The following RBFOX3 variants were observed in gnomAD, a reference collection of about 807,000 sequenced individuals.
RBFOX3 encodes RNA binding protein fox-1 homolog 3.
Under a neutral mutation model 48.7 loss-of-function variants are expected in RBFOX3, and 17 were observed. The ratio of observed to expected loss-of-function variants is 0.35; its 90% CI spans 0.24 to 0.52. The LOEUF is 0.52. Among genes scored for constraint, RBFOX3 ranks in the 20% least tolerant of loss-of-function variants. The pLI is 0.94. For missense variants in RBFOX3, 382 were observed against 497.5 expected, an observed-to-expected ratio of 0.77 and a Z score of 2.21; for synonymous variants, 212 against 209.5, an observed-to-expected ratio of 1.01 and a Z score of -0.10.
the RBFOX3 span, among the ~76,000 whole-genome samples, chr17:79,642,804 A>T: frequency 6.6e-6 from 1 of 152,258 alleles, no homozygotes; most frequent in Non-Finnish European, 1.5e-5. Flanking sequence ...AATTCTAGCC[A>T]TATCAATAAG....
chr17:79,336,314 G>A (rs1195658115), intron 2 of RBFOX3, among the ~76,000 whole-genome samples: 2 of 152,014 alleles, frequency 1.3e-5, no homozygotes, highest in Admixed American at 6.6e-5. Context: ...TTGAACTCAG[G>A]AGGCAGAGGT....
At chr17:79,563,908 A>G (rs2092353018) in intron 1 of RBFOX3, among the ~76,000 whole-genome samples, 1 of 152,266 alleles carries the variant, frequency 6.6e-6, no homozygotes, top group Non-Finnish European at 1.5e-5. Context: ...CATTCTTCAT[A>G]TAGACAAAAG....
At chr17:79,590,126 C>T (rs1007960704) in intron 1 of RBFOX3, among the ~76,000 whole-genome samples, 3 of 152,120 alleles carry the variant, frequency 2.0e-5, no homozygotes, top group South Asian at 2.1e-4. Flanking sequence ...GCCCCAACAC[C>T]GCCTCCCCAC....
chr17:79,261,329 G>A (rs757675240), intron 3 of RBFOX3, among the ~76,000 whole-genome samples: 26 of 152,214 alleles, frequency 1.7e-4, no homozygotes, highest in Admixed American at 6.5e-5. Flanking sequence ...GAAGGAGGGG[G>A]CACGAGCACC....
At chr17:79,095,437 TG>T in intron 13 of RBFOX3, 75 bp downstream of exon 13, 1 of 1,370,382 alleles carries the variant, frequency 7.3e-7, no homozygotes, top group Non-Finnish European at 1.0e-6. Flanking sequence ...CCTGCCTGTC[TG>T]GGCCCAGCTC....
intron 4 of RBFOX3, among the ~76,000 whole-genome samples, chr17:79,168,504 C>T (rs1250771725): frequency 6.6e-6 from 1 of 152,264 alleles, no homozygotes; most frequent in African/African-American, 2.4e-5. Flanking sequence ...GTTGGCCCCA[C>T]GGCCGCCCTA....
chr17:79,097,985 C>A (rs931385609), intron 9 of RBFOX3: 12 of 549,862 alleles, frequency 2.2e-5, no homozygotes, highest in African/African-American at 9.5e-5. Flanking sequence ...CAATTGTGAT[C>A]CTCCTCAGCC....
chr17:79,594,256 G>A (rs1042708407), intron 1 of RBFOX3, among the ~76,000 whole-genome samples: 1 of 152,106 alleles, frequency 6.6e-6, no homozygotes, highest in African/African-American at 2.4e-5. Flanking sequence ...GAGACTGAGG[G>A]GTGAGTCCAG....
intron 1 of RBFOX3, among the ~76,000 whole-genome samples, chr17:79,525,952 C>G (rs2086737512): frequency 1.3e-5 from 2 of 152,178 alleles, no homozygotes; most frequent in African/African-American, 4.8e-5. Context: ...GCTGTGGAGA[C>G]AAGCCACCGC....
intron 2 of RBFOX3, among the ~76,000 whole-genome samples, chr17:79,436,353 C>T (rs1295200860): frequency 6.6e-6 from 1 of 152,266 alleles, no homozygotes; most frequent in Non-Finnish European, 1.5e-5. Flanking sequence ...TTGGGTGCAG[C>T]TGGACAGAGG....
At chr17:79,442,672 C>T (rs1410120316) in intron 2 of RBFOX3, among the ~76,000 whole-genome samples, 2 of 152,084 alleles carry the variant, frequency 1.3e-5, no homozygotes, top group African/African-American at 4.8e-5. Flanking sequence ...ACCTCATTTC[C>T]CAGAGAGGAC....
chr17:79,283,142 G>A (rs952395018), intron 3 of RBFOX3, among the ~76,000 whole-genome samples: 1 of 152,204 alleles, frequency 6.6e-6, no homozygotes, highest in Non-Finnish European at 1.5e-5. Flanking sequence ...TTTGTCATAT[G>A]GAACAGGAGC....
intron 4 of RBFOX3, among the ~76,000 whole-genome samples, chr17:79,142,070 C>A (rs1348060066): frequency 2.0e-5 from 3 of 152,228 alleles, no homozygotes; most frequent in African/African-American, 4.8e-5. Flanking sequence ...TATCCTTTTA[C>A]GATGCTTTGA....
chr17:79,488,238 G>A (rs1289367578), intron 1 of RBFOX3, among the ~76,000 whole-genome samples: 1 of 152,192 alleles, frequency 6.6e-6, no homozygotes, highest in Non-Finnish European at 1.5e-5. Flanking sequence ...GACATCACCA[G>A]TCCCTTATAA....
In RBFOX3 at chr17:79,198,431, C is replaced by T. The variant is rs2056129698; in HGVS notation, c.-34+37335G>A. ...GTGGAACGCTGGCATCTGTGTCCCGCCTGCCAGCTCATGGAGAAAGTTCAC... is the reference window on the plus strand; with the variant it reads ...GTGGAACGCTGGCATCTGTGTCCCGTCTGCCAGCTCATGGAGAAAGTTCAC... On this transcript the variant is annotated intron_variant, in intron 4 of 14. Coordinates refer to ENST00000693108, the MANE Select transcript of RBFOX3 (RefSeq NM_001350451.2). This position sits in a 1 kb window ranked among gnomAD's most constrained non-coding sequence, Gnocchi z 8.2. 6.6e-6 allele frequency among the ~76,000 whole-genome samples: 1 copy of T among 152,190 alleles called. No individual in the cohort carries two copies. Among genetic ancestry groups the T allele is most frequent in the Admixed American group, 6.5e-5 (1 of 15,282 alleles).
At chr17:79,661,052 T>A in the RBFOX3 span, among the ~76,000 whole-genome samples, 1 of 152,262 alleles carries the variant, frequency 6.6e-6, no homozygotes, top group African/African-American at 2.4e-5. Context: ...CACAACATGT[T>A]CTTATAAGTA....
chr17:79,268,416 G>A (rs1445981477), intron 3 of RBFOX3, among the ~76,000 whole-genome samples: 2 of 152,106 alleles, frequency 1.3e-5, no homozygotes, highest in African/African-American at 2.4e-5. Flanking sequence ...GACCACAGAG[G>A]CCAAGCTCAG....
chr17:79,513,609 G>C (rs931566769), intron 1 of RBFOX3, among the ~76,000 whole-genome samples: 17 of 152,334 alleles, frequency 1.1e-4, no homozygotes, highest in African/African-American at 4.1e-4. Context: ...GAACCAGACT[G>C]CTTGAGTTTG....
At chr17:79,602,689 A>T (rs993568935) in intron 1 of RBFOX3, among the ~76,000 whole-genome samples, 149 of 152,132 alleles carry the variant, frequency 9.8e-4, no homozygotes, top group Non-Finnish European at 1.7e-3. Flanking sequence ...TGGGCTTTGC[A>T]AAGCTGTGCT....
Sources: allele counts gnomAD v4.1 joint callset (sites outside exome capture counted in the v4.1 genomes callset), GRCh38; gene constraint gnomAD v4.1.1; non-coding constraint Gnocchi (gnomAD v3.1); transcripts MANE v1.5; gene names NCBI Gene and HGNC (gene_info 2026-07-23, HGNC 2026-07-21).